Variants in DYNLT2 observed in about 807,000 individuals in gnomAD.
DYNLT2 encodes the protein dynein light chain Tctex-type 2.
DYNLT2 carries 24 observed loss-of-function variants against 24.3 expected under a neutral mutation model. The ratio of observed to expected loss-of-function variants is 0.99; its 90% CI spans 0.71 to 1.39. The LOEUF is 1.39. Ranked by LOEUF, DYNLT2 falls within the 40% of genes most tolerant of loss-of-function variation. DYNLT2 has a pLI of 0.00. For synonymous variants in DYNLT2, 85 were observed against 85.4 expected, an observed-to-expected ratio of 1.00 and a Z score of 0.03; for missense variants, 246 against 234.5, an observed-to-expected ratio of 1.05 and a Z score of -0.32.
intron 1 of DYNLT2, among the ~76,000 whole-genome samples, chr6:169,747,920 A>C (rs374309087): frequency 6.6e-6 from 1 of 152,214 alleles, no homozygotes; most frequent in South Asian, 2.1e-4. Context: ...TCTAGAACAA[A>C]GACATTTGGA....
At chr6:169,747,644 TAC>T (rs1376835984) in intron 1 of DYNLT2, among the ~76,000 whole-genome samples, 1 of 152,262 alleles carries the variant, frequency 6.6e-6, no homozygotes, top group Admixed American at 6.5e-5. Context: ...AGTCTTTCTC[TAC>T]ACTCTTAAAT....
At position 169,751,040 on chromosome 6, in the gene DYNLT2, G is replaced by A. The variant is rs370407614; in HGVS notation, c.120+299C>T. The A allele has an allele frequency of 2.3e-4, 74 of 324,790 alleles. 1 individual carries two copies. The South Asian group carries it at 2.6e-3, about 11-fold the overall frequency. 20.1% of individuals were successfully genotyped at this position (324,790 alleles called of 1,614,324 possible). ...GCAATAATACTCAGAGTACTCTCAG[G>A]AAATCCGCAAGCTGAGTAAATTTGA... On this transcript the variant is annotated intron_variant, in intron 1 of 3. Transcript: ENST00000366774.
chr6:169,731,574 G>T, the DYNLT2 span, among the ~76,000 whole-genome samples: 1 of 152,042 alleles, frequency 6.6e-6, no homozygotes, highest in Non-Finnish European at 1.5e-5. Flanking sequence ...GGACTTGTCT[G>T]TTTTTTTCAC....
At chr6:169,743,972 A>C in intron 2 of DYNLT2, 96 bp downstream of exon 2, 2 of 1,201,754 alleles carry the variant, frequency 1.7e-6, no homozygotes, top group Non-Finnish European at 1.2e-6. Flanking sequence ...CAATTGTATG[A>C]GCCAATTCCT....
chr6:169,738,949 T>C (rs1193272224), downstream of DYNLT2: 1 of 152,104 alleles, frequency 6.6e-6, no homozygotes, highest in African/African-American at 2.4e-5. Context: ...TTAACTCTCA[T>C]AAGTGGAAAC....
chr6:169,750,347 C>T (rs1020092598), intron 1 of DYNLT2: 1 of 152,188 alleles, frequency 6.6e-6, no homozygotes, highest in African/African-American at 2.4e-5. Flanking sequence ...GGTTTCTAGC[C>T]CTGCTCTGCT....
chr6:169,727,547 TGAA>T, the DYNLT2 span, among the ~76,000 whole-genome samples: 4 of 150,830 alleles, frequency 2.7e-5, no homozygotes, highest in African/African-American at 9.8e-5. Flanking sequence ...GTGGAAAACT[TGAA>T]GGTTTGTTTT....
chr6:169,731,560 C>A, the DYNLT2 span, among the ~76,000 whole-genome samples: 1 of 152,132 alleles, frequency 6.6e-6, no homozygotes, highest in Non-Finnish European at 1.5e-5. Context: ...TCAGTGAAGT[C>A]AGGGGACTTG....
At chr6:169,740,331 T>G in intron 3 of DYNLT2, 36 bp from the exon 4 acceptor site, 2 of 1,239,040 alleles carry the variant, frequency 1.6e-6, no homozygotes, top group Non-Finnish European at 2.4e-6. Flanking sequence ...AACTTTAGAT[T>G]GAACATATTA....
rs190463906 is a variant in DYNLT2, at chr6:169,744,633, C to T, written c.121-359G>A. On this transcript the variant is annotated intron_variant, in intron 1 of 3. Coordinates refer to ENST00000366774, the MANE Select transcript of DYNLT2 (RefSeq NM_174910.3). ...TATGGGATGGAGATATAGGGAAAACCTTTCTTCCTCCCTACCCTGAGATTA... is the reference window on the plus strand; with the variant it reads ...TATGGGATGGAGATATAGGGAAAACTTTTCTTCCTCCCTACCCTGAGATTA... 5.2e-4 allele frequency among the ~76,000 whole-genome samples: 79 copies of T among 152,260 alleles called. 1 individual carries two copies. In the East Asian group the frequency reaches 0.013, roughly 26 times the overall value.
At position 169,743,142 on chromosome 6, in the gene DYNLT2, A is replaced by T. The variant is rs768885792; in HGVS notation, c.424T>A (p.Tyr142Asn). 14 of 1,580,798 alleles carry T rather than the reference A, an allele frequency of 8.9e-6. No homozygotes were observed. In the African/African-American group the frequency reaches 1.9e-4, roughly 21 times the overall value. Residue 142 changes from tyrosine (Y) to asparagine (N), a missense_variant, in exon 3 of 4, where the codon TAC becomes AAC. Tyr to Asn is a moderately radical substitution (Grantham distance 143). Transcript: ENST00000366774. The part of the protein sequence containing the change: ...RILLAVKEFG[Y>N]HRYKFIIKVL... ...TTTATAATGAACTTATAACGGTGGT[A>T]CCCAAATTCTTTGACTGCTAACAGT...
the DYNLT2 span, among the ~76,000 whole-genome samples, chr6:169,730,480 C>G: frequency 6.6e-6 from 1 of 152,158 alleles, no homozygotes; most frequent in Non-Finnish European, 1.5e-5. Flanking sequence ...AAACAGCCTT[C>G]ATTTGAGAGG....
intron 1 of DYNLT2, chr6:169,750,524 A>G: frequency 6.6e-6 from 1 of 152,180 alleles, no homozygotes; most frequent in East Asian, 1.9e-4. Context: ...GGGTCTTCAA[A>G]AAATTGTTTT....
At chr6:169,742,695 C>A (rs2001592) in intron 3 of DYNLT2, among the ~76,000 whole-genome samples, 2 of 151,990 alleles carry the variant, frequency 1.3e-5, no homozygotes, top group African/African-American at 4.8e-5. Context: ...GCTTCCCAGT[C>A]TCAAGTGAGT....
At chr6:169,738,555 T>C (rs570358509), downstream of DYNLT2, 1 of 152,290 alleles carries the variant, frequency 6.6e-6, no homozygotes, top group African/African-American at 2.4e-5. Context: ...CCCATGTGGC[T>C]CTCAGGTGGG....
intron 1 of DYNLT2, among the ~76,000 whole-genome samples, chr6:169,746,556 G>C (rs985359575): frequency 6.6e-6 from 1 of 151,998 alleles, no homozygotes; most frequent in Non-Finnish European, 1.5e-5. Context: ...ATCCGTTCTT[G>C]CATGCTATTT....
intron 1 of DYNLT2, chr6:169,750,548 A>G (rs1789968464): frequency 6.6e-6 from 1 of 152,216 alleles, no homozygotes; most frequent in Admixed American, 6.5e-5. Context: ...TGTCATCTCT[A>G]TCTTCATCCT....
intron 3 of DYNLT2, among the ~76,000 whole-genome samples, chr6:169,741,527 CTGT>C: frequency 6.6e-6 from 1 of 152,272 alleles, no homozygotes; most frequent in South Asian, 2.1e-4. Flanking sequence ...AAATACATGG[CTGT>C]TGTTATAAGA....
chr6:169,730,660 C>G, the DYNLT2 span, among the ~76,000 whole-genome samples: 1 of 152,048 alleles, frequency 6.6e-6, no homozygotes, highest in African/African-American at 2.4e-5. Context: ...TTTGGGAGGC[C>G]GAGGCGGGCG....
Sources: gnomAD v4.1 joint callset for allele counts (sites outside exome capture counted in the v4.1 genomes callset) on GRCh38, gnomAD v4.1.1 for gene constraint, MANE v1.5 for transcripts, NCBI Gene and HGNC (gene_info 2026-07-23, HGNC 2026-07-21) for gene names.